The following NOS1AP variants were observed in gnomAD, a reference collection of about 807,000 sequenced individuals.
NOS1AP encodes carboxyl-terminal PDZ ligand of neuronal nitric oxide synthase protein.
A neutral mutation model predicts 56.2 loss-of-function variants in NOS1AP; 21 were observed. The ratio of observed to expected loss-of-function variants is 0.37; its 90% confidence interval spans 0.26 to 0.54. NOS1AP has a LOEUF of 0.54. NOS1AP is among the 20% of genes least tolerant of loss of function. The pLI, the probability that NOS1AP is intolerant of heterozygous loss-of-function variation, is 0.84. For missense variants in NOS1AP, 522 were observed against 657.8 expected (o/e 0.79, Z 2.26); for synonymous variants, 270 against 274.6 (o/e 0.98, Z 0.17).
intron 1 of NOS1AP, among the ~76,000 whole-genome samples, chr1:162,088,482 C>A (rs1359786720): frequency 1.3e-5 from 2 of 152,144 alleles, no homozygotes; most frequent in Non-Finnish European, 1.5e-5. Flanking sequence ...GTGAGCAGAA[C>A]TGGGTTGTTC....
At position 162,081,774 on chromosome 1, in the gene NOS1AP, A is replaced by ATATATATATATTTTTTTTTTTTT; in HGVS notation, c.105+11493_105+11494insATATATATATTTTTTTTTTTTTT. ...TCTATAGATATATATATATATATAT[A>ATATATATATATTTTTTTTTTTTT]TTTTTTTTTTGTAGAGATGGGTTTT... On this transcript the variant is annotated intron_variant, in intron 1 of 9. Transcript: ENST00000361897. Among the ~76,000 whole-genome samples, 210 of 43,946 alleles carry ATATATATATATTTTTTTTTTTTT rather than the reference A, an allele frequency of 4.8e-3. 2 individuals are homozygous for ATATATATATATTTTTTTTTTTTT. The highest frequency in any genetic ancestry group is 7.0e-3 in the Non-Finnish European group (151 of 21,518). 28.8% of individuals were successfully genotyped at this position (43,946 alleles called of 152,430 possible).
intron 1 of NOS1AP, among the ~76,000 whole-genome samples, chr1:162,086,505 T>C (rs1692006129): frequency 6.6e-6 from 1 of 152,184 alleles, no homozygotes; most frequent in African/African-American, 2.4e-5. Flanking sequence ...TGCTTTTGAA[T>C]TTCCAGAGCT....
chr1:162,314,256 CAA>C (rs1656155626), intron 4 of NOS1AP, among the ~76,000 whole-genome samples: 1 of 152,164 alleles, frequency 6.6e-6, no homozygotes, highest in South Asian at 2.1e-4. Context: ...AAATAGCTAC[CAA>C]AGCAATCAAA....
intron 2 of NOS1AP, among the ~76,000 whole-genome samples, chr1:162,217,828 C>G (rs77857500): frequency 6.6e-6 from 1 of 152,142 alleles, no homozygotes; most frequent in African/African-American, 2.4e-5. Context: ...GGTTTATGAC[C>G]GAGACTGGAG....
At chr1:162,198,042 C>A (rs1216167648) in intron 2 of NOS1AP, among the ~76,000 whole-genome samples, 1 of 152,220 alleles carries the variant, frequency 6.6e-6, no homozygotes, top group African/African-American at 2.4e-5. Context: ...ATGGGCCCGG[C>A]CTGGCTGTAG....
At chr1:162,275,268 C>T (rs1490343019) in intron 2 of NOS1AP, among the ~76,000 whole-genome samples, 1 of 152,108 alleles carries the variant, frequency 6.6e-6, no homozygotes, top group East Asian at 1.9e-4. Context: ...ACCTCTGCCT[C>T]CTGGGTTCCA....
intron 2 of NOS1AP, among the ~76,000 whole-genome samples, chr1:162,226,608 G>A (rs1215591428): frequency 1.3e-5 from 2 of 152,136 alleles, no homozygotes; most frequent in Non-Finnish European, 2.9e-5. Context: ...ATTTAATTTG[G>A]GGGCATCAGG....
chr1:162,286,270 G>T (rs1655086637), intron 2 of NOS1AP, among the ~76,000 whole-genome samples: 1 of 152,192 alleles, frequency 6.6e-6, no homozygotes, highest in Non-Finnish European at 1.5e-5. Context: ...GGTGTTAGGT[G>T]CCTTTTTCCA....
intron 2 of NOS1AP, among the ~76,000 whole-genome samples, chr1:162,179,642 C>T (rs1201837466): frequency 6.6e-6 from 1 of 152,150 alleles, no homozygotes; most frequent in Non-Finnish European, 1.5e-5. Context: ...AAGCAGGCTT[C>T]ACAGAGGCTG....
chr1:162,296,545 G>A (rs1655468353), intron 3 of NOS1AP, among the ~76,000 whole-genome samples: 1 of 152,146 alleles, frequency 6.6e-6, no homozygotes, highest in Admixed American at 6.5e-5. Context: ...TTCTATATGG[G>A]TGCTGGGACC....
intron 2 of NOS1AP, among the ~76,000 whole-genome samples, chr1:162,164,165 C>T (rs1650365150): frequency 6.6e-6 from 1 of 152,198 alleles, no homozygotes; most frequent in African/African-American, 2.4e-5. Flanking sequence ...CTTGCACTGA[C>T]ACACCTCATG....
At chr1:162,223,060 A>G (rs753886469) in intron 2 of NOS1AP, among the ~76,000 whole-genome samples, 1 of 152,240 alleles carries the variant, frequency 6.6e-6, no homozygotes, top group Non-Finnish European at 1.5e-5. Context: ...AAGACGTTGT[A>G]ACATTTTATT....
chr1:162,133,558 G>A (rs997064676), intron 1 of NOS1AP, among the ~76,000 whole-genome samples: 8 of 152,174 alleles, frequency 5.3e-5, no homozygotes, highest in Non-Finnish European at 8.8e-5. Context: ...AGTATAAATT[G>A]TTGATGTTTA....
At chr1:162,220,492 T>TA in intron 2 of NOS1AP, among the ~76,000 whole-genome samples, 1 of 152,288 alleles carries the variant, frequency 6.6e-6, no homozygotes, top group South Asian at 2.1e-4. Flanking sequence ...GTGCTGTTGC[T>TA]AAAAATGAAT....
At position 162,188,344 on chromosome 1, in the gene NOS1AP, A is replaced by G. The variant is rs746897509; in HGVS notation, c.177+33868A>G. Among the ~76,000 whole-genome samples, 17 of 152,208 alleles carry G rather than the reference A, an allele frequency of 1.1e-4. No individual in the cohort carries two copies. Among genetic ancestry groups the G allele is most frequent in the Non-Finnish European group, 1.9e-4 (13 of 68,036 alleles). On this transcript the variant is annotated intron_variant, in intron 2 of 9. Coordinates refer to ENST00000361897, the MANE Select transcript of NOS1AP (RefSeq NM_014697.3). The surrounding 1 kb of genome is among the most constrained non-coding windows in gnomAD (Gnocchi z 4.0). Reference sequence around the variant, plus strand: ...CTGCTTAATGAGATAATTCTTCTCTATATTTCTGTTGCTGGAATTGGGCTC... The same window carrying G: ...CTGCTTAATGAGATAATTCTTCTCTGTATTTCTGTTGCTGGAATTGGGCTC...
intron 2 of NOS1AP, among the ~76,000 whole-genome samples, chr1:162,279,482 A>T (rs538638334): frequency 6.6e-6 from 1 of 152,272 alleles, no homozygotes; most frequent in South Asian, 2.1e-4. Flanking sequence ...TGTGTGCATG[A>T]ACCGCTCTTC....
chr1:162,314,829 G>A (rs547772021), intron 4 of NOS1AP, among the ~76,000 whole-genome samples: 1 of 152,224 alleles, frequency 6.6e-6, no homozygotes, highest in African/African-American at 2.4e-5. Context: ...GCCAGTAAGT[G>A]TTGAACATCA....
chr1:162,091,614 T>C (rs1009158535), intron 1 of NOS1AP, among the ~76,000 whole-genome samples: 1 of 152,238 alleles, frequency 6.6e-6, no homozygotes, highest in South Asian at 2.1e-4. Flanking sequence ...AAGTTATTTT[T>C]CCCCCATGGA....
chr1:162,281,708 C>A (rs1024533107), intron 2 of NOS1AP, among the ~76,000 whole-genome samples: 2 of 152,192 alleles, frequency 1.3e-5, no homozygotes. Context: ...GGGGGAGTTC[C>A]AGAAATATCA....
Sources: allele counts gnomAD v4.1 joint callset (sites outside exome capture counted in the v4.1 genomes callset), GRCh38; gene constraint gnomAD v4.1.1; non-coding constraint Gnocchi (gnomAD v3.1); transcripts MANE v1.5; gene names NCBI Gene and HGNC (gene_info 2026-07-23, HGNC 2026-07-21).